CYP7B1: variants seen among roughly 807,000 people sequenced by gnomAD.
CYP7B1 encodes the protein cytochrome P450 7B1.
In CYP7B1, 29 loss-of-function variants were observed where a neutral mutation model predicts 42.7. The ratio of observed to expected loss-of-function variants is 0.68; its 90% CI spans 0.51 to 0.93. The LOEUF (loss-of-function observed/expected upper bound fraction) is 0.93, where lower values mean the gene tolerates loss of function less well. Among genes scored for constraint, CYP7B1 ranks in the 40% least tolerant of loss-of-function variants. CYP7B1 has a pLI of 0.00. For missense variants in CYP7B1, 655 were observed against 600.5 expected (o/e 1.09, Z -0.95); for synonymous variants, 235 against 218.2 (o/e 1.08, Z -0.68).
At chr8:64,705,194 C>T (rs944222821) in intron 1 of CYP7B1, among the ~76,000 whole-genome samples, 1 of 151,608 alleles carries the variant, frequency 6.6e-6, no homozygotes, top group African/African-American at 2.4e-5. Context: ...AAAGCAAGAA[C>T]CAGTGGAGAA....
intron 1 of CYP7B1, among the ~76,000 whole-genome samples, chr8:64,696,315 A>G (rs987136662): frequency 1.3e-5 from 2 of 152,220 alleles, no homozygotes; most frequent in Admixed American, 6.5e-5. Flanking sequence ...TTATGACAAT[A>G]CTTTTGGAAA....
At chr8:64,632,700 T>C (rs998358127) in intron 1 of CYP7B1, among the ~76,000 whole-genome samples, 5 of 152,104 alleles carry the variant, frequency 3.3e-5, no homozygotes, top group African/African-American at 7.2e-5. Context: ...CTCTACTTCA[T>C]AAGTAACATC....
At chr8:64,764,357 C>G (rs1807939945) in intron 1 of CYP7B1, among the ~76,000 whole-genome samples, 1 of 150,478 alleles carries the variant, frequency 6.6e-6, no homozygotes, top group Non-Finnish European at 1.5e-5. Context: ...CATAATAGAT[C>G]AGGATAAAAG....
chr8:64,778,124 C>A (rs1804356799), intron 1 of CYP7B1, among the ~76,000 whole-genome samples: 1 of 147,992 alleles, frequency 6.8e-6, no homozygotes, highest in African/African-American at 2.5e-5. Flanking sequence ...TGATGCTCTA[C>A]ACCATATGGT....
intron 1 of CYP7B1, among the ~76,000 whole-genome samples, chr8:64,754,513 G>T (rs1476921847): frequency 2.6e-5 from 4 of 152,090 alleles, no homozygotes; most frequent in Non-Finnish European, 2.9e-5. Context: ...ACAAGTAGGG[G>T]TCAAGTCAGA....
At chr8:64,740,970 T>C (rs7846368) in intron 1 of CYP7B1, among the ~76,000 whole-genome samples, 135 of 152,180 alleles carry the variant, frequency 8.9e-4, no homozygotes, top group African/African-American at 3.1e-3. Context: ...CCAGAACACT[T>C]CCTAACTCAT....
chr8:64,762,099 T>C (rs1416876939), intron 1 of CYP7B1, among the ~76,000 whole-genome samples: 1 of 152,180 alleles, frequency 6.6e-6, no homozygotes, highest in Non-Finnish European at 1.5e-5. Context: ...ACTCAGCTTA[T>C]GGAAAGCCAC....
intron 1 of CYP7B1, among the ~76,000 whole-genome samples, chr8:64,721,241 C>A (rs1807231270): frequency 6.6e-6 from 1 of 152,074 alleles, no homozygotes; most frequent in Non-Finnish European, 1.5e-5. Flanking sequence ...ACAAACAATT[C>A]TGTCATTCAC....
intron 2 of CYP7B1, among the ~76,000 whole-genome samples, chr8:64,617,649 A>G (rs896473467): frequency 1.2e-4 from 18 of 151,920 alleles, no homozygotes; most frequent in African/African-American, 3.9e-4. Flanking sequence ...CTACTTATTT[A>G]TTGTCTTCAT....
chr8:64,755,848 T>C (rs963869375), intron 1 of CYP7B1, among the ~76,000 whole-genome samples: 1 of 152,158 alleles, frequency 6.6e-6, no homozygotes, highest in African/African-American at 2.4e-5. Context: ...ATGAAATTAT[T>C]TTAGGGGGAG....
chr8:64,780,768 G>A (rs151070895), intron 1 of CYP7B1, among the ~76,000 whole-genome samples: 26 of 152,172 alleles, frequency 1.7e-4, no homozygotes, highest in Non-Finnish European at 3.5e-4. Context: ...TTCTTCTGCG[G>A]ATGTGGCTCT....
chr8:64,756,355 T>C (rs7844432), intron 1 of CYP7B1, among the ~76,000 whole-genome samples: 6,127 of 152,314 alleles, frequency 0.04, 415 homozygotes, highest in African/African-American at 0.14. Flanking sequence ...TAGACAAGCA[T>C]GTCAACATGC....
intron 1 of CYP7B1, among the ~76,000 whole-genome samples, chr8:64,691,512 A>G (rs1478512570): frequency 3.4e-5 from 5 of 144,990 alleles, no homozygotes; most frequent in African/African-American, 1.3e-4. Flanking sequence ...TAAAGCTGGA[A>G]TGTGGATGGC....
chr8:64,626,427 A>G (rs979894500), intron 1 of CYP7B1, among the ~76,000 whole-genome samples: 6 of 152,324 alleles, frequency 3.9e-5, no homozygotes, highest in African/African-American at 1.4e-4. Flanking sequence ...TAATCAGAAG[A>G]GAAATAATAA....
chr8:64,674,340 C>A (rs1806411433), intron 1 of CYP7B1, among the ~76,000 whole-genome samples: 1 of 152,166 alleles, frequency 6.6e-6, no homozygotes, highest in East Asian at 1.9e-4. Flanking sequence ...AGGGTGCACA[C>A]CTTTGTCACT....
chr8:64,691,464 T>C (rs1806740856), intron 1 of CYP7B1, among the ~76,000 whole-genome samples: 1 of 106,594 alleles, frequency 9.4e-6, no homozygotes, highest in Non-Finnish European at 1.8e-5. Context: ...AACATGAACG[T>C]ATGGTTGCGA....
At chr8:64,778,174 A>AATATATATATAAAT (rs1393160627) in intron 1 of CYP7B1, among the ~76,000 whole-genome samples, 1 of 133,248 alleles carries the variant, frequency 7.5e-6, no homozygotes, top group Non-Finnish European at 1.6e-5. Flanking sequence ...ACTAGTTTGA[A>AATATATATATAAAT]ATATATATAT....
chr8:64,776,034 C>T (rs981971093), intron 1 of CYP7B1, among the ~76,000 whole-genome samples: 2 of 152,138 alleles, frequency 1.3e-5, no homozygotes, highest in Middle Eastern at 3.2e-3. Flanking sequence ...TCATAAACAG[C>T]ATGGTCCTAC....
intron 1 of CYP7B1, among the ~76,000 whole-genome samples, chr8:64,721,282 C>G (rs62521097): frequency 0.011 from 1,679 of 152,212 alleles, 18 homozygotes; most frequent in Non-Finnish European, 0.017. Flanking sequence ...ACAAAATAAA[C>G]ATCTGCCCTG....
Sources: allele counts gnomAD v4.1 joint callset (sites outside exome capture counted in the v4.1 genomes callset), GRCh38; gene constraint gnomAD v4.1.1; transcripts MANE v1.5; gene names NCBI Gene and HGNC (gene_info 2026-07-23, HGNC 2026-07-21).